EGFLAM: variants seen among roughly 807,000 people sequenced by gnomAD.
EGFLAM encodes the protein EGF like, fibronectin type III and laminin G domains, also known as pikachurin.
Under a neutral mutation model 113.1 loss-of-function variants are expected in EGFLAM, and 79 were observed. The observed-to-expected ratio is 0.70, with a 90% CI of 0.58 to 0.84. EGFLAM has a LOEUF of 0.84. Among genes scored for constraint, EGFLAM ranks in the 40% least tolerant of loss-of-function variants. The pLI, the probability that EGFLAM is intolerant of heterozygous loss-of-function variation, is 0.00. For missense variants in EGFLAM, 1,265 were observed against 1,291.6 expected (o/e 0.98, Z 0.32); for synonymous variants, 504 against 487.6 (o/e 1.03, Z -0.44).
At chr5:38,270,539 G>C (rs1249662055) in intron 1 of EGFLAM, among the ~76,000 whole-genome samples, 1 of 151,416 alleles carries the variant, frequency 6.6e-6, no homozygotes, top group Non-Finnish European at 1.5e-5. Context: ...TTAAGTAATT[G>C]ACAAGCTTAG....
In EGFLAM at chr5:38,431,260, A is replaced by AGCAGAAGATAGTGGAGGGAATG; in HGVS notation, c.2144_2165dup (p.Gly723AspfsTer14). The AGCAGAAGATAGTGGAGGGAATG allele has an allele frequency of 6.2e-7, 1 of 1,614,182 alleles. No homozygotes were observed. Among genetic ancestry groups the AGCAGAAGATAGTGGAGGGAATG allele is most frequent in the East Asian group, 2.2e-5 (1 of 44,880 alleles). ...AAGAATGGAATCTTACAGGTGGATA[A>AGCAGAAGATAGTGGAGGGAATG]GCAGAAGATAGTGGAGGGAATGGCA... On this transcript the variant is annotated frameshift_variant, in exon 15 of 22. Transcript: ENST00000322350. LOFTEE classifies it high-confidence loss of function.
intron 5 of EGFLAM, among the ~76,000 whole-genome samples, chr5:38,353,958 A>C (rs925057956): frequency 6.6e-6 from 1 of 152,170 alleles, no homozygotes. Flanking sequence ...CATCCTTTGC[A>C]CAAGTCACTG....
intron 11 of EGFLAM, among the ~76,000 whole-genome samples, chr5:38,416,964 C>T (rs1468472159): frequency 1.3e-5 from 2 of 152,290 alleles, no homozygotes; most frequent in South Asian, 2.1e-4. Context: ...CAGAGTCTTA[C>T]ACTCTGAACA....
At chr5:38,421,981 A>T (rs900695093) in intron 12 of EGFLAM, among the ~76,000 whole-genome samples, 1 of 152,142 alleles carries the variant, frequency 6.6e-6, no homozygotes, top group South Asian at 2.1e-4. Context: ...AGTAGGTCAC[A>T]TGACAAATAA....
chr5:38,338,860 T>TA, intron 3 of EGFLAM, 79 bp downstream of exon 3: 1 of 1,135,660 alleles, frequency 8.8e-7, no homozygotes, highest in Non-Finnish European at 1.3e-6. Flanking sequence ...GTGTGTGTGC[T>TA]ACTGTACATG....
intron 15 of EGFLAM, among the ~76,000 whole-genome samples, chr5:38,432,703 C>CTTAGT (rs2112211522): frequency 6.6e-6 from 1 of 152,298 alleles, no homozygotes; most frequent in Non-Finnish European, 1.5e-5. Flanking sequence ...TTGCAAACAT[C>CTTAGT]TGTAAAACAG....
chr5:38,275,788 A>C (rs1579714106), intron 1 of EGFLAM, among the ~76,000 whole-genome samples: 1 of 152,220 alleles, frequency 6.6e-6, no homozygotes, highest in African/African-American at 2.4e-5. Flanking sequence ...TGCACATGGA[A>C]CATTCTTCAG....
intron 20 of EGFLAM, among the ~76,000 whole-genome samples, chr5:38,460,346 A>T (rs993558554): frequency 6.6e-6 from 1 of 152,220 alleles, no homozygotes; most frequent in Non-Finnish European, 1.5e-5. Flanking sequence ...CTAGACATCT[A>T]AGGAAACTGA....
rs138117226 is a variant in EGFLAM, at chr5:38,313,580, C to G, written c.98-23940C>G. 1.0e-3 allele frequency among the ~76,000 whole-genome samples: 159 copies of G among 152,222 alleles called. 1 individual carries two copies. Among genetic ancestry groups the G allele is most frequent in the African/African-American group, 3.6e-3 (150 of 41,538 alleles). On this transcript the variant is annotated intron_variant, in intron 1 of 21. Coordinates refer to ENST00000322350, the MANE Select transcript of EGFLAM (RefSeq NM_152403.4). ...ATTTTAAAGAGTCATCATACATCGC[C>G]TAATTACTTTCTAAAAGAGTTTTAC...
intron 1 of EGFLAM, among the ~76,000 whole-genome samples, chr5:38,294,197 T>A (rs1758401557): frequency 6.6e-6 from 1 of 152,130 alleles, no homozygotes; most frequent in African/African-American, 2.4e-5. Flanking sequence ...TCCACATATG[T>A]CTATTCTGGG....
At chr5:38,411,295 G>T (rs574061501) in intron 10 of EGFLAM, among the ~76,000 whole-genome samples, 6 of 151,904 alleles carry the variant, frequency 3.9e-5, no homozygotes, top group Non-Finnish European at 8.8e-5. Flanking sequence ...GGGTGTGGTG[G>T]CATGCGCCTG....
At chr5:38,354,445 C>T (rs1166099275) in intron 5 of EGFLAM, among the ~76,000 whole-genome samples, 1 of 152,090 alleles carries the variant, frequency 6.6e-6, no homozygotes, top group South Asian at 2.1e-4. Flanking sequence ...ATGCACACTT[C>T]TGGCCAGGCG....
At chr5:38,399,156 A>C (rs1453918915) in intron 6 of EGFLAM, among the ~76,000 whole-genome samples, 1 of 152,134 alleles carries the variant, frequency 6.6e-6, no homozygotes, top group Admixed American at 6.5e-5. Context: ...CAGGAGTCAC[A>C]CCTACCCAGG....
intron 6 of EGFLAM, among the ~76,000 whole-genome samples, chr5:38,378,221 TC>T (rs996107909): frequency 1.3e-5 from 2 of 152,094 alleles, no homozygotes; most frequent in Non-Finnish European, 2.9e-5. Context: ...CTCTACACCT[TC>T]CTGCTTGCTT....
At chr5:38,302,286 C>A (rs540411491) in intron 1 of EGFLAM, among the ~76,000 whole-genome samples, 1 of 149,554 alleles carries the variant, frequency 6.7e-6, no homozygotes, top group Non-Finnish European at 1.5e-5. Context: ...GATTTTGTAA[C>A]GTAGACTGGT....
At chr5:38,326,383 A>AT in intron 1 of EGFLAM, among the ~76,000 whole-genome samples, 1 of 152,316 alleles carries the variant, frequency 6.6e-6, no homozygotes, top group East Asian at 1.9e-4. Flanking sequence ...TGTGCTCTTT[A>AT]TAATCAGGTC....
chr5:38,352,507 C>T lies in EGFLAM; in HGVS notation c.545+176C>T, dbSNP rs968713929. Among the ~76,000 whole-genome samples, 8 of 151,882 alleles carry T rather than the reference C, an allele frequency of 5.3e-5. No homozygotes were observed. The East Asian group carries it at 7.7e-4, about 15-fold the overall frequency. On this transcript the variant is annotated intron_variant, in intron 5 of 21. Transcript: ENST00000322350. ...ACTAAAAATACAAAAATTAGCTGGG[C>T]GTGATGGCACGTGCCTGTAGTCTCA...
At chr5:38,351,512 C>G (rs1306749213) in intron 4 of EGFLAM, among the ~76,000 whole-genome samples, 1 of 152,042 alleles carries the variant, frequency 6.6e-6, no homozygotes, top group Non-Finnish European at 1.5e-5. Context: ...ACCTTTGGCC[C>G]GAGTTACAAA....
chr5:38,403,527 A>G (rs535893955), intron 6 of EGFLAM: 1 of 282,636 alleles, frequency 3.5e-6, no homozygotes, highest in Non-Finnish European at 7.0e-6. Flanking sequence ...CTTCGATACC[A>G]TGACAGTGAA....
Sources: gnomAD v4.1 joint callset for allele counts (sites outside exome capture counted in the v4.1 genomes callset) on GRCh38, gnomAD v4.1.1 for gene constraint, MANE v1.5 for transcripts, NCBI Gene and HGNC (gene_info 2026-07-23, HGNC 2026-07-21) for gene names.